Variants in KCNMA1 observed in about 807,000 individuals in gnomAD.
The protein encoded by KCNMA1 is Calcium-activated potassium channel subunit alpha-1.
In KCNMA1, 29 loss-of-function variants were observed where a neutral mutation model predicts 140.0. That is an observed-to-expected ratio of 0.21 (90% CI 0.15 to 0.28). The LOEUF (loss-of-function observed/expected upper bound fraction) is 0.28, where lower values mean the gene tolerates loss of function less well. Among genes scored for constraint, KCNMA1 ranks in the 10% least tolerant of loss-of-function variants. The pLI is 1.00. For synonymous variants in KCNMA1, 612 were observed against 611.9 expected, an observed-to-expected ratio of 1.00 and a Z score of 0.00; for missense variants, 880 against 1,602.2, an observed-to-expected ratio of 0.55 and a Z score of 7.70.
intron 3 of KCNMA1, among the ~76,000 whole-genome samples, chr10:77,227,087 A>G (rs2051732058): frequency 6.6e-6 from 1 of 152,176 alleles, no homozygotes; most frequent in Non-Finnish European, 1.5e-5. Flanking sequence ...AGCTTGTGGC[A>G]TAGTAGATAA....
intron 2 of KCNMA1, among the ~76,000 whole-genome samples, chr10:77,365,676 A>G (rs1257792349): frequency 6.6e-6 from 1 of 151,968 alleles, no homozygotes; most frequent in Non-Finnish European, 1.5e-5. Context: ...ACCTCCATCC[A>G]TCCTTTTATA....
intron 23 of KCNMA1, among the ~76,000 whole-genome samples, chr10:76,920,267 G>C (rs904430254): frequency 6.6e-6 from 1 of 151,206 alleles, no homozygotes; most frequent in African/African-American, 2.4e-5. Context: ...AAGAAGAGAG[G>C]GGGAAGGCTG....
intron 1 of KCNMA1, among the ~76,000 whole-genome samples, chr10:77,467,099 T>C (rs2098038648): frequency 6.6e-6 from 1 of 152,216 alleles, no homozygotes; most frequent in African/African-American, 2.4e-5. Context: ...AAGGGCACCA[T>C]GTCATAAAGC....
downstream of KCNMA1, chr10:76,872,970 A>T (rs1208122885): frequency 6.6e-6 from 1 of 151,954 alleles, no homozygotes; most frequent in Non-Finnish European, 1.5e-5. Flanking sequence ...CCTTTTTGTG[A>T]TTAAAAAAAT....
chr10:77,330,282 C>T (rs553889614), intron 2 of KCNMA1, among the ~76,000 whole-genome samples: 19 of 152,312 alleles, frequency 1.2e-4, no homozygotes, highest in Admixed American at 1.1e-3. Context: ...CCTCAGTCCA[C>T]ATCACAACAG....
chr10:77,169,957 G>A (rs964093637), intron 5 of KCNMA1, among the ~76,000 whole-genome samples: 1 of 152,158 alleles, frequency 6.6e-6, no homozygotes, highest in Non-Finnish European at 1.5e-5. Flanking sequence ...TTGGGAGACC[G>A]AGGTGGGCAG....
intron 5 of KCNMA1, among the ~76,000 whole-genome samples, chr10:77,130,449 A>G (rs1007731523): frequency 9.9e-5 from 15 of 152,204 alleles, no homozygotes; most frequent in African/African-American, 3.4e-4. Flanking sequence ...TTTTCAGTTT[A>G]TGATGGGTTT....
chr10:77,025,998 A>AAAATAT (rs370771543), intron 16 of KCNMA1, among the ~76,000 whole-genome samples: 281 of 139,922 alleles, frequency 2.0e-3, no homozygotes, highest in African/African-American at 6.7e-3. Context: ...AGAAAAAAAA[A>AAAATAT]ATATATATAT....
At chr10:77,194,136 C>T (rs1217855343) in intron 3 of KCNMA1, among the ~76,000 whole-genome samples, 1 of 152,178 alleles carries the variant, frequency 6.6e-6, no homozygotes, top group African/African-American at 2.4e-5. Context: ...TTTCAAGGCA[C>T]TTCATATCAA....
chr10:77,241,859 T>G (rs2057351160), intron 3 of KCNMA1, among the ~76,000 whole-genome samples: 1 of 152,176 alleles, frequency 6.6e-6, no homozygotes, highest in South Asian at 2.1e-4. Flanking sequence ...CAGCCTGGAT[T>G]ATATTCATTC....
intron 5 of KCNMA1, among the ~76,000 whole-genome samples, chr10:77,137,521 T>G (rs2098070515): frequency 6.6e-6 from 1 of 152,150 alleles, no homozygotes; most frequent in Admixed American, 6.5e-5. Flanking sequence ...GGTGGTCCCC[T>G]GCACCCTTCT....
intron 5 of KCNMA1, among the ~76,000 whole-genome samples, chr10:77,128,573 G>C (rs1179600265): frequency 6.6e-6 from 1 of 152,038 alleles, no homozygotes. Flanking sequence ...TTCAGGCAGA[G>C]GGAGTATTAA....
At chr10:77,226,264 C>G (rs1182446659) in intron 3 of KCNMA1, among the ~76,000 whole-genome samples, 1 of 152,014 alleles carries the variant, frequency 6.6e-6, no homozygotes, top group Non-Finnish European at 1.5e-5. Context: ...CTATTTATAA[C>G]CAACATGAAA....
At chr10:76,910,154 A>G (rs1355844588) in intron 24 of KCNMA1, 58 bp from the exon 25 acceptor site, 1 of 1,591,296 alleles carries the variant, frequency 6.3e-7, no homozygotes, top group Admixed American at 1.7e-5. Flanking sequence ...CATTGAAGCC[A>G]GAGGGAGACC....
At chr10:77,218,892 G>A (rs1041543762) in intron 3 of KCNMA1, among the ~76,000 whole-genome samples, 12 of 152,182 alleles carry the variant, frequency 7.9e-5, no homozygotes, top group African/African-American at 2.9e-4. Flanking sequence ...TCATCATGTT[G>A]GCCAGGCTGA....
chr10:77,202,959 A>G (rs1001832390), intron 3 of KCNMA1, among the ~76,000 whole-genome samples: 6 of 152,194 alleles, frequency 3.9e-5, no homozygotes, highest in Admixed American at 3.9e-4. Flanking sequence ...CAAAGAATAA[A>G]ATCTCCTGGA....
At chr10:77,586,076 C>T in intron 1 of KCNMA1, among the ~76,000 whole-genome samples, 1 of 152,108 alleles carries the variant, frequency 6.6e-6, no homozygotes, top group Admixed American at 6.6e-5. Flanking sequence ...ATTTTCTGTT[C>T]CCGGTATATA....
chr10:77,506,725 A>AGAGTGT (rs1555400735), intron 1 of KCNMA1, among the ~76,000 whole-genome samples: 3 of 133,602 alleles, frequency 2.2e-5, no homozygotes, highest in Admixed American at 7.5e-5. Context: ...AGAGAGAGAG[A>AGAGTGT]GTGTGTGTGT....
intron 17 of KCNMA1, among the ~76,000 whole-genome samples, chr10:77,015,219 G>A (rs1451922794): frequency 6.6e-6 from 1 of 152,148 alleles, no homozygotes; most frequent in Non-Finnish European, 1.5e-5. Flanking sequence ...CCAGTGGAAG[G>A]AGTCAGCAGG....
Sources: gnomAD v4.1 joint callset for allele counts (sites outside exome capture counted in the v4.1 genomes callset) on GRCh38, gnomAD v4.1.1 for gene constraint, MANE v1.5 for transcripts, NCBI Gene and HGNC (gene_info 2026-07-23, HGNC 2026-07-21) for gene names.